DAPK2: variants seen among roughly 807,000 people sequenced by gnomAD.
DAPK2 encodes death associated protein kinase 2.
A neutral mutation model predicts 44.1 loss-of-function variants in DAPK2; 35 were observed. That is an observed-to-expected ratio of 0.79 (90% confidence interval 0.61 to 1.05). The LOEUF (loss-of-function observed/expected upper bound fraction) is 1.05, where lower values mean the gene tolerates loss of function less well. DAPK2 is among the 50% of genes least tolerant of loss of function. The pLI is 0.00. For missense variants in DAPK2, 453 were observed against 483.2 expected (o/e 0.94, Z 0.59); for synonymous variants, 174 against 182.6 (o/e 0.95, Z 0.38).
intron 1 of DAPK2, chr15:64,029,945 C>T (rs1012448473): frequency 6.6e-6 from 1 of 152,522 alleles, no homozygotes; most frequent in South Asian, 2.1e-4. Flanking sequence ...TTCCCTACCC[C>T]CCTCAGGAGG....
At chr15:63,964,807 ATC>A (rs1206829188) in intron 3 of DAPK2, among the ~76,000 whole-genome samples, 1 of 151,990 alleles carries the variant, frequency 6.6e-6, no homozygotes, top group Non-Finnish European at 1.5e-5. Context: ...AGTTATTTAA[ATC>A]TCTTTGTTAA....
rs111552833 is a variant in DAPK2, at chr15:64,014,123, A to T, written c.92+26047T>A. 2.6e-3 allele frequency among the ~76,000 whole-genome samples: 392 copies of T among 152,314 alleles called. 1 individual carries two copies. The highest frequency in any genetic ancestry group is 8.9e-3 in the African/African-American group (372 of 41,572). Reference sequence around the variant, plus strand: ...CCCACGGAGAACCTGATCCTTGGGAAATGGGGTTATCACAGAGAATGCTTT... The same window carrying T: ...CCCACGGAGAACCTGATCCTTGGGATATGGGGTTATCACAGAGAATGCTTT... On this transcript the variant is annotated intron_variant, in intron 1 of 10. Coordinates refer to ENST00000261891, the Ensembl canonical transcript of DAPK2.
At chr15:64,017,188 G>A (rs2079554634) in intron 1 of DAPK2, among the ~76,000 whole-genome samples, 1 of 152,102 alleles carries the variant, frequency 6.6e-6, no homozygotes, top group Non-Finnish European at 1.5e-5. Context: ...AGTCCCCTAG[G>A]TACCTTCAGT....
intron 4 of DAPK2, among the ~76,000 whole-genome samples, chr15:63,931,594 C>T (rs545900805): frequency 7.2e-5 from 11 of 152,138 alleles, no homozygotes; most frequent in Admixed American, 2.6e-4. Flanking sequence ...CCTGGGGGTC[C>T]CTGAGACAAT....
upstream of DAPK2, among the ~76,000 whole-genome samples, chr15:64,042,251 A>G (rs1452616817): frequency 1.3e-5 from 2 of 152,124 alleles, no homozygotes; most frequent in African/African-American, 2.4e-5. The surrounding 1 kb of genome is among the most constrained non-coding windows in gnomAD (Gnocchi z 4.7). Flanking sequence ...TAGCTTGACC[A>G]TAATCAGAAG....
intron 3 of DAPK2, among the ~76,000 whole-genome samples, chr15:63,957,463 C>T (rs1016620623): frequency 5.3e-5 from 8 of 151,322 alleles, no homozygotes; most frequent in Admixed American, 2.6e-4. Flanking sequence ...CCCGTTAACT[C>T]GTCATTTACA....
chr15:63,984,261 T>C (rs760847413), intron 1 of DAPK2, among the ~76,000 whole-genome samples: 1 of 152,144 alleles, frequency 6.6e-6, no homozygotes, highest in African/African-American at 2.4e-5. Context: ...GGCATAAGGA[T>C]AGGTCATGTG....
intron 1 of DAPK2, among the ~76,000 whole-genome samples, chr15:63,999,304 C>A (rs991252771): frequency 1.3e-5 from 2 of 152,216 alleles, no homozygotes; most frequent in Non-Finnish European, 2.9e-5. Context: ...CAGACCCGAG[C>A]CTTTCCAGGG....
At chr15:63,977,445 T>C (rs1311830844) in intron 2 of DAPK2, among the ~76,000 whole-genome samples, 2 of 152,242 alleles carry the variant, frequency 1.3e-5, no homozygotes, top group African/African-American at 2.4e-5. Context: ...GCAGCAAAGA[T>C]ACAACCTTCA....
At chr15:63,959,975 G>C (rs563633887) in intron 3 of DAPK2, among the ~76,000 whole-genome samples, 2 of 150,492 alleles carry the variant, frequency 1.3e-5, no homozygotes, top group Non-Finnish European at 3.0e-5. Flanking sequence ...CTGTGAATCC[G>C]TCTGGTCCTG....
At chr15:63,943,976 T>G (rs4776266) in intron 3 of DAPK2, among the ~76,000 whole-genome samples, 87,224 of 151,994 alleles carry the variant, frequency 0.57, 25,538 homozygotes, top group East Asian at 0.94. Context: ...GACACAGCTG[T>G]TTTCCTCCTC....
exon 11 of DAPK2, chr15:63,907,674 G>C (rs1350677088): frequency 1.3e-5 from 2 of 152,278 alleles, no homozygotes; most frequent in African/African-American, 4.8e-5. Flanking sequence ...CCCTGCCTCG[G>C]ACTGCCAAAG....
chr15:64,033,134 C>T (rs2080064128), intron 1 of DAPK2, among the ~76,000 whole-genome samples: 1 of 151,516 alleles, frequency 6.6e-6, no homozygotes. Context: ...GTGGCACATG[C>T]CTGTGGTTCC....
At chr15:64,031,903 C>T (rs1478240411) in intron 1 of DAPK2, among the ~76,000 whole-genome samples, 1 of 152,118 alleles carries the variant, frequency 6.6e-6, no homozygotes, top group Non-Finnish European at 1.5e-5. Context: ...TTTTGTTTCC[C>T]ACTTTGTGTT....
At chr15:63,973,685 TTTGGAACTATTGGA>T (rs1050143548) in intron 2 of DAPK2, among the ~76,000 whole-genome samples, 2 of 152,136 alleles carry the variant, frequency 1.3e-5, no homozygotes, top group African/African-American at 4.8e-5. Flanking sequence ...AATTAAGAGT[TTTGGAACTATTGGA>T]ATGGAAGGAA....
At chr15:64,030,747 C>A (rs73456786) in intron 1 of DAPK2, among the ~76,000 whole-genome samples, 1 of 151,856 alleles carries the variant, frequency 6.6e-6, no homozygotes, top group Non-Finnish European at 1.5e-5. Flanking sequence ...GCGAAAAGAG[C>A]GCTTGAGGCC....
intron 3 of DAPK2, among the ~76,000 whole-genome samples, chr15:63,957,925 T>C (rs879547891): frequency 2.2e-4 from 33 of 152,190 alleles, no homozygotes; most frequent in Non-Finnish European, 3.7e-4. Context: ...CCATGAGGAA[T>C]CGCCACACTG....
intron 3 of DAPK2, among the ~76,000 whole-genome samples, chr15:63,952,487 G>C (rs2140539630): frequency 6.6e-6 from 1 of 152,192 alleles, no homozygotes. Flanking sequence ...TTGTTGCCCG[G>C]GGCTAGGTTT....
At chr15:63,969,510 C>A (rs1183802218) in intron 3 of DAPK2, among the ~76,000 whole-genome samples, 1 of 150,558 alleles carries the variant, frequency 6.6e-6, no homozygotes, top group East Asian at 2.0e-4. Context: ...GAGGCTGAGG[C>A]GGGTGGACCA....
Sources: allele counts gnomAD v4.1 joint callset (sites outside exome capture counted in the v4.1 genomes callset), GRCh38; gene constraint gnomAD v4.1.1; non-coding constraint Gnocchi (gnomAD v3.1); transcripts MANE v1.5; gene names NCBI Gene and HGNC (gene_info 2026-07-23, HGNC 2026-07-21).